Variants in SCML2 observed in about 807,000 individuals in gnomAD.
SCML2 encodes the protein Scm polycomb group protein like 2.
Under a neutral mutation model 48.4 loss-of-function variants are expected in SCML2, and 6 were observed. The ratio of observed to expected loss-of-function variants is 0.12; its 90% CI spans 0.07 to 0.24. SCML2 has a LOEUF of 0.24. Among genes scored for constraint, SCML2 ranks in the 10% least tolerant of loss-of-function variants. The probability of loss-of-function intolerance (pLI) is 1.00; values close to 1 mark genes in which losing one functional copy is unlikely to be tolerated. For missense variants in SCML2, 377 were observed against 528.2 expected, an observed-to-expected ratio of 0.71 and a Z score of 2.81; for synonymous variants, 181 against 189.5, an observed-to-expected ratio of 0.95 and a Z score of 0.37.
rs377265745 is a variant in SCML2 at position 18,256,812 on chromosome X, T to C, written c.1456+36A>G. ...AAAACAATTACACAAGATTCTCAAG[T>C]GAAACAGAAGTGTAAGAGTTTACAT... is the stretch of plus-strand genomic sequence containing the variant. On this transcript the variant is annotated intron_variant, in intron 11 of 14. Coordinates refer to ENST00000251900, the MANE Select transcript of SCML2 (RefSeq NM_006089.3). The C allele has an allele frequency of 8.5e-6, 9 of 1,053,502 alleles. No individual in the cohort carries two copies. The South Asian group carries it at 2.3e-4, about 26-fold the overall frequency. 86.8% of individuals were successfully genotyped at this position (1,053,502 alleles called of 1,213,427 possible).
At chrX:18,286,272 A>G (rs1258988956) in intron 7 of SCML2, among the ~76,000 whole-genome samples, 4 of 112,179 alleles carry the variant, frequency 3.6e-5, no homozygotes, top group Non-Finnish European at 7.5e-5. Context: ...AGATGTCTCT[A>G]AAGAAAATGA....
At chrX:18,242,705 A>G (rs1926308930) in intron 13 of SCML2, 115 bp from the exon 14 acceptor site, 3 of 789,443 alleles carry the variant, frequency 3.8e-6, no homozygotes, top group African/African-American at 4.3e-5. Flanking sequence ...TAAGTTCCCC[A>G]ACAAGGTCTC....
At chrX:18,311,373 T>C (rs1443727698) in intron 6 of SCML2, among the ~76,000 whole-genome samples, 1 of 107,680 alleles carries the variant, frequency 9.3e-6, no homozygotes, top group Non-Finnish European at 1.9e-5. Context: ...GTAAAACACA[T>C]ACATTAGAAA....
chrX:18,247,669 A>T, intron 12 of SCML2, 100 bp downstream of exon 12: 1 of 592,023 alleles, frequency 1.7e-6, no homozygotes, highest in Non-Finnish European at 2.6e-6. Context: ...GTTTGGGCAA[A>T]TTTACCTCCC....
At chrX:18,334,717 C>T (rs934854089) in intron 1 of SCML2, among the ~76,000 whole-genome samples, 1 of 111,916 alleles carries the variant, frequency 8.9e-6, no homozygotes, top group African/African-American at 3.2e-5. Context: ...AACAGGCTGT[C>T]CTTGGCCTCC....
chrX:18,346,666 T>C (rs1930211203), intron 1 of SCML2, among the ~76,000 whole-genome samples: 2 of 112,471 alleles, frequency 1.8e-5, no homozygotes, highest in Non-Finnish European at 3.8e-5. Context: ...ACTTTTAGAC[T>C]TGAACAAACA....
chrX:18,310,546 G>A (rs1928917260), intron 6 of SCML2, among the ~76,000 whole-genome samples: 3 of 110,525 alleles, frequency 2.7e-5, no homozygotes, highest in South Asian at 7.7e-4. Context: ...GATTACAGGT[G>A]TGAGCCACTG....
At chrX:18,281,053 T>A (rs1927819533) in intron 7 of SCML2, among the ~76,000 whole-genome samples, 1 of 112,053 alleles carries the variant, frequency 8.9e-6, no homozygotes, top group Admixed American at 9.5e-5. Context: ...ATATATATCC[T>A]TCTCATCTGC....
At chrX:18,307,588 G>T (rs1411450847) in intron 6 of SCML2, among the ~76,000 whole-genome samples, 2 of 111,902 alleles carry the variant, frequency 1.8e-5, no homozygotes, top group Middle Eastern at 4.6e-3. Context: ...CTGTAGCAAA[G>T]CAAACTAAGT....
Position 18,320,234 on chromosome X carries a change from A to G in SCML2, c.486+98T>C, listed in dbSNP as rs1569159354. 4 of 495,706 alleles carry G rather than the reference A, an allele frequency of 8.1e-6. No individual in the cohort carries two copies. In the East Asian group the frequency reaches 1.5e-4, roughly 18 times the overall value. The allele number at this position is 495,706 out of a possible 1,213,427, so 40.9% of individuals were successfully genotyped here. A position where few individuals can be genotyped will look rare whatever the true frequency, so the allele number is the denominator to read the frequency against. ...TACACTTGCCAATCCAGTAATTTTA[A>G]AAGTATGTTTGCTTTTCCATGTCAC... On this transcript the variant is annotated intron_variant, in intron 6 of 14. Coordinates refer to ENST00000251900, the MANE Select transcript of SCML2 (RefSeq NM_006089.3).
intron 2 of SCML2, among the ~76,000 whole-genome samples, chrX:18,331,492 T>A (rs1241395180): frequency 9.0e-6 from 1 of 110,590 alleles, no homozygotes; most frequent in Non-Finnish European, 1.9e-5. Context: ...TCACCAAATC[T>A]AAGATGTATC....
At chrX:18,351,144 C>T (rs1251846015) in intron 1 of SCML2, among the ~76,000 whole-genome samples, 1 of 110,162 alleles carries the variant, frequency 9.1e-6, no homozygotes, top group East Asian at 2.9e-4. Context: ...GTGGCACACC[C>T]CTGTAATCCT....
chrX:18,252,377 A>G (rs1165636251), intron 11 of SCML2, among the ~76,000 whole-genome samples: 1 of 112,889 alleles, frequency 8.9e-6, no homozygotes, highest in Non-Finnish European at 1.9e-5. Flanking sequence ...AATGTCTAGA[A>G]TAGGAAAATC....
intron 10 of SCML2, among the ~76,000 whole-genome samples, chrX:18,257,321 G>A (rs1423785905): frequency 4.5e-5 from 5 of 111,437 alleles, no homozygotes; most frequent in Non-Finnish European, 9.4e-5. Context: ...GAATGTTGTG[G>A]TGTCTGATCA....
chrX:18,314,549 G>C (rs1246902105), intron 6 of SCML2, among the ~76,000 whole-genome samples: 1 of 111,541 alleles, frequency 9.0e-6, no homozygotes, highest in Non-Finnish European at 1.9e-5. Flanking sequence ...AAATTTCCCA[G>C]AGACACCTCA....
At chrX:18,285,964 G>A (rs1286101144) in intron 7 of SCML2, among the ~76,000 whole-genome samples, 1 of 111,682 alleles carries the variant, frequency 9.0e-6, no homozygotes, top group Non-Finnish European at 1.9e-5. Context: ...TGTGTACATA[G>A]AATAGAATAC....
At chrX:18,347,360 G>A (rs1009366382) in intron 1 of SCML2, among the ~76,000 whole-genome samples, 3 of 108,870 alleles carry the variant, frequency 2.8e-5, no homozygotes, top group African/African-American at 6.7e-5. Flanking sequence ...CAGGAGAATC[G>A]CTTGAATCTG....
At chrX:18,250,085 A>T (rs1350878301) in intron 11 of SCML2, among the ~76,000 whole-genome samples, 2 of 104,593 alleles carry the variant, frequency 1.9e-5, no homozygotes, top group African/African-American at 7.1e-5. Context: ...CCATTATATG[A>T]TTTTTAAATG....
intron 1 of SCML2, among the ~76,000 whole-genome samples, chrX:18,347,723 C>CA (rs749758995): frequency 0.015 from 321 of 21,901 alleles, 55 homozygotes; most frequent in South Asian, 0.032. Context: ...GACTCCGTCT[C>CA]AAAAAAAAAA....
Sources: gnomAD v4.1 joint callset for allele counts (sites outside exome capture counted in the v4.1 genomes callset) on GRCh38, gnomAD v4.1.1 for gene constraint, MANE v1.5 for transcripts, NCBI Gene and HGNC (gene_info 2026-07-23, HGNC 2026-07-21) for gene names.